SOX5: variants seen among roughly 807,000 people sequenced by gnomAD.
SOX5 encodes SRY-box transcription factor 5.
Under a neutral mutation model 92.0 loss-of-function variants are expected in SOX5, and 9 were observed. The ratio of observed to expected loss-of-function variants is 0.10; its 90% CI spans 0.06 to 0.17. SOX5 has a LOEUF of 0.17. Ranked by LOEUF, SOX5 falls within the 10% of genes least tolerant of loss-of-function variation. The pLI is 1.00. For missense variants in SOX5, 642 were observed against 944.5 expected (o/e 0.68, Z 4.20); for synonymous variants, 344 against 336.3 (o/e 1.02, Z -0.25).
At chr12:24,522,912 A>C (rs1353569014) in intron 1 of SOX5, among the ~76,000 whole-genome samples, 2 of 152,184 alleles carry the variant, frequency 1.3e-5, no homozygotes, top group African/African-American at 4.8e-5. Context: ...AGCCTTAGCC[A>C]GAGCAGTTAG....
chr12:23,915,522 C>G (rs7298352), intron 1 of SOX5, among the ~76,000 whole-genome samples: 29,198 of 151,984 alleles, frequency 0.19, 3,970 homozygotes, highest in East Asian at 0.7. Flanking sequence ...ACAACTGGCT[C>G]TGAAGCATCC....
chr12:24,377,003 T>G (rs142751860), intron 1 of SOX5, among the ~76,000 whole-genome samples: 2 of 152,162 alleles, frequency 1.3e-5, no homozygotes, highest in African/African-American at 4.8e-5. Context: ...AATCTCGACA[T>G]GGCCCCACTG....
intron 6 of SOX5, among the ~76,000 whole-genome samples, chr12:23,690,586 T>TG (rs11370922): frequency 0.99 from 150,352 of 152,294 alleles, 74,243 homozygotes; most frequent in East Asian, 1. Context: ...AATTTATAAC[T>TG]TTTTTCACTC....
chr12:23,794,807 T>G (rs1440627406), intron 3 of SOX5, among the ~76,000 whole-genome samples: 6 of 152,146 alleles, frequency 3.9e-5, no homozygotes, highest in Admixed American at 3.9e-4. Context: ...AAAGAAAATT[T>G]CATTTTTATA....
At chr12:24,126,764 G>A (rs899164195) in intron 4 of SOX5, among the ~76,000 whole-genome samples, 13 of 152,092 alleles carry the variant, frequency 8.5e-5, no homozygotes, top group African/African-American at 3.1e-4. Flanking sequence ...CCTTGTCACT[G>A]GGCATGTTTG....
At chr12:23,716,246 C>T (rs79259164) in intron 6 of SOX5, among the ~76,000 whole-genome samples, 6 of 152,036 alleles carry the variant, frequency 3.9e-5, no homozygotes, top group African/African-American at 4.8e-5. Flanking sequence ...GAGATGAAGT[C>T]GGTAAAGATA....
At chr12:24,285,065 G>A (rs112579054) in intron 2 of SOX5, among the ~76,000 whole-genome samples, 9,949 of 152,102 alleles carry the variant, frequency 0.065, 442 homozygotes, top group African/African-American at 0.11. Context: ...CCCGGGAGGT[G>A]GAGGTGGCAG....
intron 10 of SOX5, among the ~76,000 whole-genome samples, chr12:23,572,362 ACATCTG>A (rs567691206): frequency 7.7e-4 from 118 of 152,270 alleles, no homozygotes; most frequent in Non-Finnish European, 1.2e-3. Flanking sequence ...TCAGCTTTCA[ACATCTG>A]CATTTGTTGA....
At chr12:24,305,394 G>A (rs533701844) in intron 2 of SOX5, among the ~76,000 whole-genome samples, 1 of 152,236 alleles carries the variant, frequency 6.6e-6, no homozygotes, top group South Asian at 2.1e-4. Flanking sequence ...CTACAGAGAT[G>A]GGGGTTCATG....
chr12:24,428,747 A>AAAAAAAAAAAAAAAAC (rs1967041691), intron 1 of SOX5, among the ~76,000 whole-genome samples: 1 of 149,158 alleles, frequency 6.7e-6, no homozygotes, highest in Non-Finnish European at 1.5e-5. Context: ...AAAAAAAAAA[A>AAAAAAAAAAAAAAAAC]AAAAAAAAAA....
chr12:24,346,278 C>A (rs1284912735), intron 2 of SOX5, among the ~76,000 whole-genome samples: 1 of 152,090 alleles, frequency 6.6e-6, no homozygotes, highest in Non-Finnish European at 1.5e-5. Flanking sequence ...CTTTTAGAAC[C>A]ATTGTGCCAA....
chr12:24,103,263 C>T (rs2138005402), intron 4 of SOX5, among the ~76,000 whole-genome samples: 1 of 152,224 alleles, frequency 6.6e-6, no homozygotes. Context: ...TAAGAAAAGG[C>T]TAAAATCTTA....
At chr12:24,020,312 G>T (rs1241663861) in intron 4 of SOX5, among the ~76,000 whole-genome samples, 1 of 152,094 alleles carries the variant, frequency 6.6e-6, no homozygotes, top group East Asian at 1.9e-4. Flanking sequence ...TACACCTGAG[G>T]TTACTAACAC....
intron 1 of SOX5, among the ~76,000 whole-genome samples, chr12:24,550,718 G>A (rs1362004239): frequency 2.6e-5 from 4 of 152,180 alleles, no homozygotes; most frequent in African/African-American, 9.7e-5. Flanking sequence ...CTGAAATTAA[G>A]CACAGCAGGA....
intron 9 of SOX5, among the ~76,000 whole-genome samples, chr12:23,581,880 C>T (rs1001993109): frequency 6.7e-6 from 1 of 149,874 alleles, no homozygotes; most frequent in Non-Finnish European, 1.5e-5. Flanking sequence ...AACAGCCACA[C>T]AATGATTGAA....
chr12:24,303,291 C>G (rs116649149), intron 2 of SOX5, among the ~76,000 whole-genome samples: 1 of 152,062 alleles, frequency 6.6e-6, no homozygotes, highest in African/African-American at 2.4e-5. Context: ...TTTCTCCTAC[C>G]CAAAAGTTAA....
intron 3 of SOX5, among the ~76,000 whole-genome samples, chr12:23,830,957 T>C (rs2096307018): frequency 6.6e-6 from 1 of 152,200 alleles, no homozygotes; most frequent in South Asian, 2.1e-4. Context: ...AGGCCAAATA[T>C]CATGCACCAG....
In SOX5 at chr12:24,084,198, T is replaced by C. The variant is rs1363957959; in HGVS notation, c.-2+129145A>G. Among the ~76,000 whole-genome samples the C allele has an allele frequency of 2.0e-5, 3 of 152,058 alleles. No homozygotes were observed. In the South Asian group the frequency reaches 6.2e-4, roughly 31 times the overall value. ...AAACTGCCAATCTAAAATATCCAGG[T>C]GATATTTGATCAGAGGCAGTGGAGA... On this transcript the variant is annotated intron_variant, in intron 4 of 4. Transcript: ENST00000446891.
chr12:23,796,470 G>A lies in SOX5; in HGVS notation c.482-40746C>T, dbSNP rs574181837. On this transcript the variant is annotated intron_variant, in intron 3 of 14. Transcript: ENST00000451604. ...TTCATAGCTGAGTTGCATAGCTAAT[G>A]CTTAAAAATCATATCAAGGAGTTTA... 2.0e-5 allele frequency among the ~76,000 whole-genome samples: 3 copies of A among 152,152 alleles called. No individual in the cohort carries two copies. In the South Asian group the frequency reaches 6.2e-4, roughly 32 times the overall value.
Sources: allele counts gnomAD v4.1 joint callset (sites outside exome capture counted in the v4.1 genomes callset), GRCh38; gene constraint gnomAD v4.1.1; transcripts MANE v1.5; gene names NCBI Gene and HGNC (gene_info 2026-07-23, HGNC 2026-07-21).